Variants in GUCY2F observed in about 807,000 individuals in gnomAD.
The protein encoded by GUCY2F is retinal guanylyl cyclase 2.
In GUCY2F, 61 loss-of-function variants were observed where a neutral mutation model predicts 73.1. The observed-to-expected ratio is 0.83, with a 90% CI of 0.68 to 1.03. The LOEUF is 1.03. Among genes scored for constraint, GUCY2F ranks in the 50% least tolerant of loss-of-function variants. The pLI is 0.00. For synonymous variants in GUCY2F, 331 were observed against 307.8 expected (o/e 1.08, Z -0.79); for missense variants, 912 against 854.3 (o/e 1.07, Z -0.84).
At position 109,472,960 on chromosome X, in the gene GUCY2F, T is replaced by C. The variant is rs956086972; in HGVS notation, c.730+2247A>G. Among the ~76,000 whole-genome samples, 7 of 111,080 alleles carry C rather than the reference T, an allele frequency of 6.3e-5. No individual in the cohort carries two copies. The Admixed American group carries it at 6.7e-4, about 11-fold the overall frequency. The stretch of plus-strand genomic sequence containing the variant: ...CAGATACAGACATGTGCCTGTACCA[T>C]GTATGGGTATTACACACTCCTTTGA... On this transcript the variant is annotated intron_variant, in intron 2 of 19. Coordinates refer to ENST00000218006, the MANE Select transcript of GUCY2F (RefSeq NM_001522.3).
rs184077982 is a variant in GUCY2F at position 109,467,297 on chromosome X, C to G, written c.731-1854G>C. ...GGTCAAATTAGTATAGTCATAGGTC[C>G]ATTGAGGCGGGGAAAATGAGTTTAG... On this transcript the variant is annotated intron_variant, in intron 2 of 19. Transcript: ENST00000218006. Among the ~76,000 whole-genome samples the G allele has an allele frequency of 3.0e-3, 333 of 111,926 alleles. 2 individuals carry two copies. Among genetic ancestry groups the G allele is most frequent in the African/African-American group, 0.01 (316 of 30,830 alleles).
At chrX:109,410,727 T>C (rs1458728739) in intron 8 of GUCY2F, among the ~76,000 whole-genome samples, 1 of 112,191 alleles carries the variant, frequency 8.9e-6, no homozygotes, top group African/African-American at 3.2e-5. Context: ...AGCTCAAATG[T>C]TAAGTATCTA....
chrX:109,434,700 C>A (rs1931696354), intron 7 of GUCY2F, among the ~76,000 whole-genome samples: 1 of 109,766 alleles, frequency 9.1e-6, no homozygotes, highest in African/African-American at 3.4e-5. Flanking sequence ...AAGTCCTTGC[C>A]CATGCCTATG....
Position 109,448,161 on chromosome X carries a change from G to A in GUCY2F, c.1477C>T (p.Arg493Cys). ...INGFAYFIRRRINKIQLIKGP... is the reference protein window; with the variant it reads ...INGFAYFIRRCINKIQLIKGP... ...TTGATCAACTGGATTTTATTTATAC[G>A]ACGCCTAAAACAAACATGAAATCAG... Residue 493 changes from arginine (R) to cysteine (C), a missense_variant, in exon 6 of 20, where the codon CGT becomes TGT. Transcript: ENST00000218006. 17 of 1,029,403 alleles carry A rather than the reference G, an allele frequency of 1.7e-5. No individual in the cohort carries two copies. The highest frequency in any genetic ancestry group is 2.1e-5 in the Non-Finnish European group (15 of 730,858). The allele number at this position is 1,029,403 out of a possible 1,213,427, so 84.8% of individuals were successfully genotyped here. A position where few individuals can be genotyped will look rare whatever the true frequency, so the allele number is the denominator to read the frequency against.
At chrX:109,416,828 C>T (rs1299424147) in intron 8 of GUCY2F, among the ~76,000 whole-genome samples, 1 of 108,432 alleles carries the variant, frequency 9.2e-6, no homozygotes, top group Non-Finnish European at 1.9e-5. Context: ...CAGTCAAAAC[C>T]CTGAAATATG....
chrX:109,379,450 T>A lies in GUCY2F; in HGVS notation c.3150+2668A>T, dbSNP rs186800318. Among the ~76,000 whole-genome samples, 24 of 112,681 alleles carry A rather than the reference T, an allele frequency of 2.1e-4. No individual in the cohort carries two copies. The East Asian group carries it at 6.4e-3, about 30-fold the overall frequency. On this transcript the variant is annotated intron_variant, in intron 17 of 19. Transcript: ENST00000218006. The stretch of plus-strand genomic sequence containing the variant: ...ACTAGTTTGATTGAATTATTCCACA[T>A]TGTATTAATAAATCATAACATCACT...
intron 8 of GUCY2F, among the ~76,000 whole-genome samples, chrX:109,413,467 C>A (rs751397875): frequency 9.2e-4 from 101 of 109,846 alleles, no homozygotes; most frequent in African/African-American, 3.1e-3. Context: ...TGCAGTGGCG[C>A]AATCTCGGCT....
chrX:109,429,425 A>G (rs1182458812), intron 8 of GUCY2F, among the ~76,000 whole-genome samples: 2 of 110,308 alleles, frequency 1.8e-5, no homozygotes, highest in Admixed American at 9.6e-5. Context: ...AAAAAAAAAA[A>G]AAAAGAAAAG....
chrX:109,430,056 G>T (rs1448599128), intron 8 of GUCY2F, among the ~76,000 whole-genome samples: 1 of 111,972 alleles, frequency 8.9e-6, no homozygotes, highest in Non-Finnish European at 1.9e-5. Flanking sequence ...AAGACTTAGG[G>T]AGTTTAGATG....
chrX:109,432,737 A>G (rs1218786472), intron 7 of GUCY2F, among the ~76,000 whole-genome samples: 2 of 112,295 alleles, frequency 1.8e-5, no homozygotes, highest in Non-Finnish European at 3.8e-5. Flanking sequence ...AGCACATTCC[A>G]CTAGCAGCAT....
At chrX:109,394,216 C>A (rs1176794061) in intron 12 of GUCY2F, among the ~76,000 whole-genome samples, 1 of 112,264 alleles carries the variant, frequency 8.9e-6, no homozygotes, top group East Asian at 2.8e-4. Context: ...GTTTGAAAGT[C>A]TCATGATGTA....
chrX:109,392,808 T>G, intron 13 of GUCY2F, 84 bp downstream of exon 13: 1 of 575,259 alleles, frequency 1.7e-6, no homozygotes, highest in African/African-American at 2.3e-5. Flanking sequence ...AGTTAGTTGA[T>G]GGGTAATTTT....
Position 109,465,122 on chromosome X carries a change from A to G in GUCY2F, c.1032+20T>C, listed in dbSNP as rs770137904. The G allele has an allele frequency of 1.7e-6, 2 of 1,153,844 alleles. No homozygotes were observed. The highest frequency in any genetic ancestry group is 2.4e-6 in the Non-Finnish European group (2 of 846,999). Reference sequence around the variant, plus strand: ...TGTTTTAGGTTCTCAGCTCATGACAACCTATGAATGTGTACTTACTTGATC... The same window carrying G: ...TGTTTTAGGTTCTCAGCTCATGACAGCCTATGAATGTGTACTTACTTGATC... On this transcript the variant is annotated intron_variant, in intron 3 of 19. Transcript: ENST00000218006.
intron 9 of GUCY2F, among the ~76,000 whole-genome samples, chrX:109,405,082 T>C (rs989923077): frequency 3.6e-5 from 4 of 112,285 alleles, no homozygotes; most frequent in Admixed American, 1.9e-4. Flanking sequence ...CTAGGGAATA[T>C]TCTGCAGCAC....
intron 8 of GUCY2F, among the ~76,000 whole-genome samples, chrX:109,427,680 G>C (rs1236301487): frequency 8.9e-6 from 1 of 112,003 alleles, no homozygotes; most frequent in Non-Finnish European, 1.9e-5. Flanking sequence ...CTTCAAAAAA[G>C]CATTCAACTA....
At chrX:109,375,753 C>T in intron 19 of GUCY2F, 145 bp downstream of exon 19, 1 of 509,371 alleles carries the variant, frequency 2.0e-6, no homozygotes. Context: ...AAGGTTTTCA[C>T]CCATTTTATT....
chrX:109,443,709 C>G (rs1931928794), intron 6 of GUCY2F, among the ~76,000 whole-genome samples: 1 of 111,854 alleles, frequency 8.9e-6, no homozygotes, highest in African/African-American at 3.2e-5. Flanking sequence ...CAAAATTGAG[C>G]TATGTGTATC....
intron 10 of GUCY2F, among the ~76,000 whole-genome samples, chrX:109,403,495 C>CGG (rs1930896623): frequency 8.9e-6 from 1 of 111,800 alleles, no homozygotes; most frequent in African/African-American, 3.3e-5. Context: ...AAATGACCTT[C>CGG]TATAATCTTA....
chrX:109,373,879 G>A (rs1021791386), intron 19 of GUCY2F, among the ~76,000 whole-genome samples: 1 of 112,638 alleles, frequency 8.9e-6, no homozygotes, highest in African/African-American at 3.2e-5. Context: ...CAAGATAAGA[G>A]TTATCAGGTG....
Sources: allele counts gnomAD v4.1 joint callset (sites outside exome capture counted in the v4.1 genomes callset), GRCh38; gene constraint gnomAD v4.1.1; transcripts MANE v1.5; gene names NCBI Gene and HGNC (gene_info 2026-07-23, HGNC 2026-07-21).